Variants in ADGRL2 observed in about 807,000 individuals in gnomAD.
ADGRL2 encodes the protein calcium-independent alpha-latrotoxin receptor 2.
In ADGRL2, 44 loss-of-function variants were observed where a neutral mutation model predicts 157.4. The observed-to-expected ratio is 0.28, with a 90% CI of 0.22 to 0.36. The LOEUF (loss-of-function observed/expected upper bound fraction) is 0.36, where lower values mean the gene tolerates loss of function less well. Ranked by LOEUF, ADGRL2 falls within the 10% of genes least tolerant of loss-of-function variation. The pLI is 1.00. For missense variants in ADGRL2, 1,510 were observed against 1,768.9 expected (o/e 0.85, Z 2.63); for synonymous variants, 585 against 624.7 (o/e 0.94, Z 0.95).
chr1:81,585,200 T>C (rs1160022090), intron 3 of ADGRL2, among the ~76,000 whole-genome samples: 3 of 152,128 alleles, frequency 2.0e-5, no homozygotes, highest in Non-Finnish European at 4.4e-5. Context: ...TAGACTCACA[T>C]AAGGAAAGCG....
chr1:81,658,385 G>T (rs1420199677), intron 3 of ADGRL2, among the ~76,000 whole-genome samples: 1 of 152,076 alleles, frequency 6.6e-6, no homozygotes, highest in African/African-American at 2.4e-5. Context: ...GTGAGCCACT[G>T]CACATGGCCA....
chr1:81,879,211 C>T (rs2093920896), intron 2 of ADGRL2, among the ~76,000 whole-genome samples: 1 of 151,892 alleles, frequency 6.6e-6, no homozygotes, highest in Admixed American at 6.6e-5. Flanking sequence ...ATTGGAGCCC[C>T]ACATGATTGG....
intron 3 of ADGRL2, among the ~76,000 whole-genome samples, chr1:81,603,515 C>T (rs1266807743): frequency 1.3e-5 from 2 of 152,202 alleles, no homozygotes; most frequent in Non-Finnish European, 2.9e-5. Flanking sequence ...GGCTGACCTA[C>T]AGGATGCCAG....
chr1:81,381,729 T>G (rs1425214742), intron 1 of ADGRL2, among the ~76,000 whole-genome samples: 1 of 152,222 alleles, frequency 6.6e-6, no homozygotes, highest in Non-Finnish European at 1.5e-5. Flanking sequence ...TGAATAGATT[T>G]TATAATATTG....
intron 2 of ADGRL2, among the ~76,000 whole-genome samples, chr1:81,856,579 C>T (rs1330843415): frequency 6.6e-6 from 1 of 151,988 alleles, no homozygotes; most frequent in African/African-American, 2.4e-5. Flanking sequence ...AAACTGAGCA[C>T]CAGCAGAAAT....
chr1:81,447,701 G>T (rs2077624448), intron 2 of ADGRL2, among the ~76,000 whole-genome samples: 2 of 152,138 alleles, frequency 1.3e-5, no homozygotes. Flanking sequence ...AACAAAAATG[G>T]TTAGCAGATT....
chr1:81,590,977 T>A (rs1025872375), intron 3 of ADGRL2, among the ~76,000 whole-genome samples: 2 of 152,180 alleles, frequency 1.3e-5, no homozygotes, highest in Non-Finnish European at 2.9e-5. Context: ...TCTTTGAGCA[T>A]ACATGCAGTC....
Position 81,502,278 on chromosome 1 carries a change from C to T in ADGRL2, c.-248+57189C>T. 6.8e-6 allele frequency: 11 copies of T among 1,613,946 alleles called. No individual in the cohort carries two copies. The South Asian group carries it at 1.1e-4, about 16-fold the overall frequency. On this transcript the variant is annotated intron_variant, in intron 2 of 24. Transcript: ENST00000370721. ...ACCAAAGATGCTTCCAAGGCCTCAT[C>T]TTCTGTCTCCACAGCAGGACAGCTG...
rs79852029 is a variant in ADGRL2 at position 81,384,631 on chromosome 1, C to T, written c.-301-60405C>T. On this transcript the variant is annotated intron_variant, in intron 1 of 24. Transcript: ENST00000370721. The stretch of plus-strand genomic sequence containing the variant: ...AAATCAGAATGTACTATTTCAGCCA[C>T]TATCACGATAATTTTATACATCATG... Among the ~76,000 whole-genome samples, 1,118 of 152,246 alleles carry T rather than the reference C, an allele frequency of 7.3e-3. 19 individuals carry two copies. Among genetic ancestry groups the T allele is most frequent in the South Asian group, 0.054 (262 of 4,818 alleles).
At chr1:81,343,729 T>G (rs1018062441) in intron 1 of ADGRL2, among the ~76,000 whole-genome samples, 1 of 151,704 alleles carries the variant, frequency 6.6e-6, no homozygotes, top group African/African-American at 2.4e-5. Context: ...AGAAAGAGAT[T>G]GTGACAGAGA....
In ADGRL2 at chr1:81,950,436, A is replaced by G. The variant is rs1651399990; in HGVS notation, c.1458A>G (p.Thr486=). Residue 486 remains threonine (T), a synonymous_variant, in exon 7 of 24, where the codon ACA becomes ACG. Transcript: ENST00000686636. ...CCAAGGGGATAAAGTGGCCTCAGAC[A>G]CAAAGGGGAATGATGGTTGAACGAC... is the stretch of plus-strand genomic sequence containing the variant. The part of the protein sequence containing the change: ...LDSKGIKWPQ[T]QRGMMVERPC... 8 of 1,614,046 alleles carry G rather than the reference A, an allele frequency of 5.0e-6. No individual in the cohort carries two copies. Among genetic ancestry groups the G allele is most frequent in the Non-Finnish European group, 6.8e-6 (8 of 1,179,924 alleles).
chr1:81,336,096 A>G (rs1330473898), intron 1 of ADGRL2, among the ~76,000 whole-genome samples: 1 of 152,164 alleles, frequency 6.6e-6, no homozygotes, highest in East Asian at 1.9e-4. Flanking sequence ...GCCTTCACTT[A>G]CCATTCTTCT....
At chr1:81,580,529 G>A (rs2080886137) in intron 2 of ADGRL2, among the ~76,000 whole-genome samples, 1 of 151,972 alleles carries the variant, frequency 6.6e-6, no homozygotes, top group Non-Finnish European at 1.5e-5. Flanking sequence ...GGGGATGTGG[G>A]TATGAAAGGT....
chr1:81,921,520 C>G (rs552526557), intron 3 of ADGRL2, among the ~76,000 whole-genome samples: 1 of 152,142 alleles, frequency 6.6e-6, no homozygotes, highest in Non-Finnish European at 1.5e-5. Flanking sequence ...TAAGAGTGCA[C>G]GTTAGCTTTC....
At chr1:81,460,839 T>C (rs1029301529) in intron 2 of ADGRL2, among the ~76,000 whole-genome samples, 2 of 152,240 alleles carry the variant, frequency 1.3e-5, no homozygotes, top group Non-Finnish European at 2.9e-5. Context: ...TGCAGTGGAC[T>C]GTCTTCCTTG....
At chr1:81,641,334 T>C (rs1414580151) in intron 3 of ADGRL2, among the ~76,000 whole-genome samples, 1 of 152,098 alleles carries the variant, frequency 6.6e-6, no homozygotes, top group Non-Finnish European at 1.5e-5. Flanking sequence ...ATAATCAACA[T>C]CCATAAGCTA....
At chr1:81,428,600 C>A (rs2077263079) in intron 1 of ADGRL2, among the ~76,000 whole-genome samples, 1 of 152,066 alleles carries the variant, frequency 6.6e-6, no homozygotes, top group Middle Eastern at 3.2e-3. Flanking sequence ...GTGGGGGATG[C>A]AGGCAATTTT....
intron 3 of ADGRL2, among the ~76,000 whole-genome samples, chr1:81,592,152 G>A (rs1026131658): frequency 2.0e-5 from 3 of 152,052 alleles, no homozygotes; most frequent in African/African-American, 4.8e-5. Flanking sequence ...ACCTCTCAAA[G>A]CCAGAGACAT....
chr1:81,370,420 G>A (rs2076142309), intron 1 of ADGRL2, among the ~76,000 whole-genome samples: 1 of 152,086 alleles, frequency 6.6e-6, no homozygotes, highest in South Asian at 2.1e-4. Flanking sequence ...TTATCTAGGG[G>A]AATGCTTTTG....
Sources: allele counts gnomAD v4.1 joint callset (sites outside exome capture counted in the v4.1 genomes callset), GRCh38; gene constraint gnomAD v4.1.1; transcripts MANE v1.5; gene names NCBI Gene and HGNC (gene_info 2026-07-23, HGNC 2026-07-21).